NCOA2: variants seen among roughly 807,000 people sequenced by gnomAD.
The protein encoded by NCOA2 is nuclear receptor coactivator 2.
Under a neutral mutation model 145.1 loss-of-function variants are expected in NCOA2, and 21 were observed. The observed-to-expected ratio is 0.14, with a 90% confidence interval of 0.10 to 0.21. The LOEUF is 0.21. Ranked by LOEUF, NCOA2 falls within the 10% of genes least tolerant of loss-of-function variation. The pLI is 1.00. For synonymous variants in NCOA2, 619 were observed against 637.5 expected, an observed-to-expected ratio of 0.97 and a Z score of 0.44; for missense variants, 1,472 against 1,837.6, an observed-to-expected ratio of 0.80 and a Z score of 3.64.
At chr8:70,265,596 T>A (rs2926698) in intron 2 of NCOA2, among the ~76,000 whole-genome samples, 135,288 of 151,950 alleles carry the variant, frequency 0.89, 60,637 homozygotes, top group African/African-American at 0.94. Flanking sequence ...TTCTATTTTT[T>A]AAAAAAATAC....
At chr8:70,340,111 G>C (rs1269740970) in intron 1 of NCOA2, among the ~76,000 whole-genome samples, 1 of 152,140 alleles carries the variant, frequency 6.6e-6, no homozygotes, top group Non-Finnish European at 1.5e-5. Context: ...AAACTAAAAA[G>C]CTTCTGCACA....
chr8:70,147,118 G>T (rs923055765), intron 12 of NCOA2, among the ~76,000 whole-genome samples: 1 of 150,556 alleles, frequency 6.6e-6, no homozygotes, highest in African/African-American at 2.5e-5. Context: ...TTTCGCGCGC[G>T]CGCGCGCGCG....
intron 21 of NCOA2, 149 bp downstream of exon 21, chr8:70,123,735 C>T: frequency 1.8e-6 from 1 of 541,546 alleles, no homozygotes; most frequent in South Asian, 4.5e-5. Context: ...ATTAATGTCA[C>T]TAACACAGGT....
At chr8:70,289,341 C>A (rs1005641962) in intron 2 of NCOA2, among the ~76,000 whole-genome samples, 4 of 152,164 alleles carry the variant, frequency 2.6e-5, no homozygotes, top group Non-Finnish European at 5.9e-5. Flanking sequence ...TATGACACAG[C>A]TGTTTCTTTT....
intron 2 of NCOA2, among the ~76,000 whole-genome samples, chr8:70,237,002 G>T (rs977061616): frequency 2.0e-5 from 3 of 152,112 alleles, no homozygotes; most frequent in African/African-American, 7.2e-5. Flanking sequence ...AGACAGAAAG[G>T]AAGTATTTCT....
At chr8:70,130,578 C>T (rs969221408) in intron 16 of NCOA2, among the ~76,000 whole-genome samples, 5 of 152,178 alleles carry the variant, frequency 3.3e-5, no homozygotes, top group African/African-American at 1.2e-4. Flanking sequence ...AACCTCAAGT[C>T]ATTTCTTTCC....
intron 2 of NCOA2, among the ~76,000 whole-genome samples, chr8:70,223,570 G>A (rs921495739): frequency 2.0e-5 from 3 of 152,042 alleles, no homozygotes; most frequent in Non-Finnish European, 4.4e-5. Flanking sequence ...TAACCTCTCC[G>A]ACCTGTTTCC....
chr8:70,331,144 A>G (rs1056295752), intron 1 of NCOA2, among the ~76,000 whole-genome samples: 3 of 152,208 alleles, frequency 2.0e-5, no homozygotes, highest in African/African-American at 7.2e-5. Flanking sequence ...TAGCAAATGT[A>G]TGATATTTTT....
In NCOA2 at chr8:70,263,735, A is replaced by C. The variant is rs147559753; in HGVS notation, c.-20+33009T>G. On this transcript the variant is annotated intron_variant, in intron 2 of 22. Coordinates refer to ENST00000452400, the MANE Select transcript of NCOA2 (RefSeq NM_006540.4). ...CAGAGTGAGACTCCATCTCAAAAAA[A>C]AAACAAACAAACAAAATCACCCTAC... 2.6e-3 allele frequency among the ~76,000 whole-genome samples: 394 copies of C among 152,066 alleles called. 1 individual carries two copies. Among genetic ancestry groups the C allele is most frequent in the Middle Eastern group, 0.01 (3 of 294 alleles).
At chr8:70,369,260 A>T (rs887079497) in intron 1 of NCOA2, among the ~76,000 whole-genome samples, 1 of 152,248 alleles carries the variant, frequency 6.6e-6, no homozygotes, top group Non-Finnish European at 1.5e-5. Context: ...CATACGAAAC[A>T]TTTGGAAGAT....
intron 2 of NCOA2, among the ~76,000 whole-genome samples, chr8:70,279,168 G>C (rs934242842): frequency 1.3e-5 from 2 of 152,026 alleles, no homozygotes; most frequent in African/African-American, 4.8e-5. Flanking sequence ...TATTCCAAAG[G>C]CCTTGCTCCC....
intron 4 of NCOA2, among the ~76,000 whole-genome samples, chr8:70,195,775 G>A (rs2133376511): frequency 6.6e-6 from 1 of 152,234 alleles, no homozygotes; most frequent in South Asian, 2.1e-4. Flanking sequence ...ATTGCATCCT[G>A]CTACACCGCT....
chr8:70,213,741 A>G (rs986355717), intron 4 of NCOA2, among the ~76,000 whole-genome samples, 162 bp downstream of exon 4: 6 of 152,162 alleles, frequency 3.9e-5, no homozygotes, highest in Non-Finnish European at 8.8e-5. Context: ...CTATTTATAA[A>G]CCACTGCAAG....
In NCOA2 at chr8:70,129,085, A is replaced by G. The variant is rs138554800; in HGVS notation, c.3325-105T>C. ...CTATCATATATTTGAAGCTTTTTAT[A>G]CTTTTTAATATTATACTTACTACAC... On this transcript the variant is annotated intron_variant, in intron 16 of 22. Transcript: ENST00000452400. The G allele has an allele frequency of 6.1e-3, 6,695 of 1,100,454 alleles. 31 individuals are homozygous for G. The highest frequency in any genetic ancestry group is 8.7e-3 in the Middle Eastern group (40 of 4,584). The allele number at this position is 1,100,454 out of a possible 1,614,324, so 68.2% of individuals were successfully genotyped here. A position where few individuals can be genotyped will look rare whatever the true frequency, so the allele number is the denominator to read the frequency against.
intron 1 of NCOA2, among the ~76,000 whole-genome samples, chr8:70,318,689 C>T (rs954057863): frequency 6.6e-5 from 10 of 152,048 alleles, no homozygotes; most frequent in Non-Finnish European, 1.3e-4. Flanking sequence ...CATTTGAGCC[C>T]AGGAGGTTGA....
At chr8:70,397,198 C>A (rs912579921) in intron 1 of NCOA2, among the ~76,000 whole-genome samples, 2 of 152,146 alleles carry the variant, frequency 1.3e-5, no homozygotes, top group African/African-American at 2.4e-5. Context: ...ATAGCTCATG[C>A]CTGTAATCTT....
chr8:70,158,760 A>G (rs904448806), intron 10 of NCOA2, among the ~76,000 whole-genome samples: 1 of 152,152 alleles, frequency 6.6e-6, no homozygotes, highest in African/African-American at 2.4e-5. Context: ...TCAAAACAAA[A>G]CAAAAAACAA....
chr8:70,412,260 C>A, the NCOA2 span, among the ~76,000 whole-genome samples: 1 of 151,802 alleles, frequency 6.6e-6, no homozygotes, highest in African/African-American at 2.4e-5. Context: ...GGCAATGAAG[C>A]AAGACCTTGT....
chr8:70,165,790 T>G (rs1474027432), intron 7 of NCOA2, among the ~76,000 whole-genome samples: 1 of 152,178 alleles, frequency 6.6e-6, no homozygotes, highest in East Asian at 1.9e-4. Flanking sequence ...CTTGAAAGTA[T>G]ATTTAAAAGG....
Sources: gnomAD v4.1 joint callset for allele counts (sites outside exome capture counted in the v4.1 genomes callset) on GRCh38, gnomAD v4.1.1 for gene constraint, MANE v1.5 for transcripts, NCBI Gene and HGNC (gene_info 2026-07-23, HGNC 2026-07-21) for gene names.